Variants in AGBL1 observed in about 807,000 individuals in gnomAD.
AGBL1 encodes AGBL carboxypeptidase 1, also known as cytosolic carboxypeptidase 4.
In AGBL1, 130 loss-of-function variants were observed where a neutral mutation model predicts 118.9. The observed-to-expected ratio is 1.09, with a 90% CI of 0.95 to 1.26. The LOEUF (loss-of-function observed/expected upper bound fraction) is 1.26. Among genes scored for constraint, AGBL1 ranks in the 50% most tolerant of loss-of-function variants. The pLI, the probability that AGBL1 is intolerant of heterozygous loss-of-function variation, is 0.00. For synonymous variants in AGBL1, 555 were observed against 478.9 expected (o/e 1.16, Z -2.08); for missense variants, 1,584 against 1,298.1 (o/e 1.22, Z -3.38).
chr15:86,784,299 A>C (rs549807067), intron 22 of AGBL1, among the ~76,000 whole-genome samples: 28 of 152,356 alleles, frequency 1.8e-4, no homozygotes, highest in Non-Finnish European at 3.2e-4. Flanking sequence ...ATTCAGGAAA[A>C]ATATAGCCAG....
chr15:86,693,980 A>G (rs567461069), intron 22 of AGBL1, among the ~76,000 whole-genome samples: 2 of 151,838 alleles, frequency 1.3e-5, no homozygotes, highest in Non-Finnish European at 2.9e-5. Context: ...CAGCACCATG[A>G]TATTTTGGTG....
chr15:86,865,299 T>G (rs978385914), intron 22 of AGBL1, among the ~76,000 whole-genome samples: 1 of 152,218 alleles, frequency 6.6e-6, no homozygotes, highest in Non-Finnish European at 1.5e-5. Flanking sequence ...AAAGAGGTTA[T>G]TTGAATTATC....
At chr15:86,974,537 T>A (rs2081151724) in intron 23 of AGBL1, among the ~76,000 whole-genome samples, 1 of 129,556 alleles carries the variant, frequency 7.7e-6, no homozygotes, top group African/African-American at 2.7e-5. Context: ...ATTAAATATA[T>A]AAAAATTATA....
At chr15:86,607,645 G>C (rs969971859) in intron 21 of AGBL1, among the ~76,000 whole-genome samples, 2 of 152,162 alleles carry the variant, frequency 1.3e-5, no homozygotes, top group African/African-American at 4.8e-5. Flanking sequence ...TGCTTGAGTT[G>C]TAATTCCCTA....
intron 20 of AGBL1, among the ~76,000 whole-genome samples, chr15:86,551,336 C>A (rs905562255): frequency 6.6e-6 from 1 of 152,026 alleles, no homozygotes; most frequent in Non-Finnish European, 1.5e-5. Context: ...ACAAAATGAT[C>A]ATTATTTAGC....
At chr15:86,847,386 C>T (rs2079334932) in intron 22 of AGBL1, among the ~76,000 whole-genome samples, 1 of 152,202 alleles carries the variant, frequency 6.6e-6, no homozygotes, top group African/African-American at 2.4e-5. Flanking sequence ...ACCCTGAATT[C>T]TGATATGCCT....
At chr15:86,541,238 G>A (rs993605857) in intron 19 of AGBL1, among the ~76,000 whole-genome samples, 1 of 152,112 alleles carries the variant, frequency 6.6e-6, no homozygotes, top group African/African-American at 2.4e-5. Flanking sequence ...AGGTCCTGGG[G>A]CTGGGGCATG....
At chr15:86,253,085 G>T (rs28420295) in intron 7 of AGBL1, among the ~76,000 whole-genome samples, 4,629 of 152,172 alleles carry the variant, frequency 0.03, 250 homozygotes, top group African/African-American at 0.11. Flanking sequence ...ACCCTCAGGT[G>T]GGGGAGTAGA....
chr15:86,281,959 T>C (rs1027079710), intron 16 of AGBL1, among the ~76,000 whole-genome samples: 1 of 152,148 alleles, frequency 6.6e-6, no homozygotes, highest in African/African-American at 2.4e-5. Flanking sequence ...GGATAATATC[T>C]CTTTCCAAAC....
At chr15:86,527,002 T>TA (rs5814248) in intron 19 of AGBL1, among the ~76,000 whole-genome samples, 152,217 of 152,226 alleles carry the variant, frequency 1, 76,104 homozygotes, top group Middle Eastern at 1. Context: ...ATTACAAAGT[T>TA]AAAACAAGAA....
intron 22 of AGBL1, among the ~76,000 whole-genome samples, chr15:86,791,954 T>TTGAAC (rs2078500211): frequency 6.6e-6 from 1 of 152,148 alleles, no homozygotes; most frequent in African/African-American, 2.4e-5. Flanking sequence ...CAGGCTGGTC[T>TTGAAC]TGAACTCCTG....
chr15:86,172,533 T>A (rs1467875513), intron 5 of AGBL1, among the ~76,000 whole-genome samples: 1 of 152,204 alleles, frequency 6.6e-6, no homozygotes, highest in African/African-American at 2.4e-5. Flanking sequence ...CTGGTAACTA[T>A]CATTCGACTT....
chr15:86,690,399 G>A lies in AGBL1; in HGVS notation c.3158+15963G>A, dbSNP rs75049153. 1.7e-3 allele frequency among the ~76,000 whole-genome samples: 264 copies of A among 152,236 alleles called. 3 individuals are homozygous for A. The East Asian group carries it at 0.022, about 13-fold the overall frequency. ...AGCATAGGGAGTTTGTACCAACTCT[G>A]AAATACAAATGAAAACATGTCATCT... is the stretch of plus-strand genomic sequence containing the variant. On this transcript the variant is annotated intron_variant, in intron 22 of 22. Transcript: ENST00000614907.
At chr15:86,603,560 T>C (rs2084528560) in intron 21 of AGBL1, among the ~76,000 whole-genome samples, 1 of 152,096 alleles carries the variant, frequency 6.6e-6, no homozygotes, top group Non-Finnish European at 1.5e-5. Context: ...GCATTCTGCC[T>C]GAAATGGGAT....
At chr15:86,222,203 T>C (rs1257064125) in intron 5 of AGBL1, among the ~76,000 whole-genome samples, 1 of 152,212 alleles carries the variant, frequency 6.6e-6, no homozygotes, top group Non-Finnish European at 1.5e-5. Context: ...GATTCATAAA[T>C]GTATATTCCT....
intron 17 of AGBL1, among the ~76,000 whole-genome samples, chr15:86,390,239 C>T (rs1395052174): frequency 6.6e-6 from 1 of 151,970 alleles, no homozygotes; most frequent in Non-Finnish European, 1.5e-5. Context: ...AATAACATAG[C>T]CTAAAAATAA....
At chr15:86,665,530 G>T (rs1281643159) in intron 21 of AGBL1, among the ~76,000 whole-genome samples, 1 of 151,992 alleles carries the variant, frequency 6.6e-6, no homozygotes, top group Non-Finnish European at 1.5e-5. Context: ...TTTCTTCTCT[G>T]TTGGAATTAT....
At chr15:86,996,209 G>A (rs1392788068) in intron 24 of AGBL1, among the ~76,000 whole-genome samples, 2 of 152,112 alleles carry the variant, frequency 1.3e-5, no homozygotes, top group Non-Finnish European at 2.9e-5. Flanking sequence ...AACATATTGT[G>A]AGGCTATAAC....
intron 22 of AGBL1, among the ~76,000 whole-genome samples, chr15:86,719,209 A>G (rs575270772): frequency 5.2e-4 from 79 of 152,296 alleles, no homozygotes; most frequent in African/African-American, 1.8e-3. Flanking sequence ...CACTCACTCA[A>G]TGGCTTTTTC....
Sources: gnomAD v4.1 joint callset for allele counts (sites outside exome capture counted in the v4.1 genomes callset) on GRCh38, gnomAD v4.1.1 for gene constraint, MANE v1.5 for transcripts, NCBI Gene and HGNC (gene_info 2026-07-23, HGNC 2026-07-21) for gene names.